RAB18: variants seen among roughly 807,000 people sequenced by gnomAD.
RAB18 encodes the protein ras-related protein Rab-18.
RAB18 carries 10 observed loss-of-function variants against 28.5 expected under a neutral mutation model. That is an observed-to-expected ratio of 0.35 (90% confidence interval 0.22 to 0.60). The LOEUF (loss-of-function observed/expected upper bound fraction) is 0.60, where lower values mean the gene tolerates loss of function less well. Ranked by LOEUF, RAB18 falls within the 20% of genes least tolerant of loss-of-function variation. The pLI, the probability that RAB18 is intolerant of heterozygous loss-of-function variation, is 0.78. For missense variants in RAB18, 188 were observed against 244.2 expected (o/e 0.77, Z 1.53); for synonymous variants, 93 against 86.9 (o/e 1.07, Z -0.39).
At chr10:27,528,303 TTTTTTAAA>T (rs1834720029) in intron 3 of RAB18, 1 of 496,946 alleles carries the variant, frequency 2.0e-6, no homozygotes, top group Non-Finnish European at 4.0e-6. Context: ...CCTATAAACA[TTTTTTAAA>T]GAAGAGAGGT....
At chr10:27,504,978 G>T (rs779283911) in intron 1 of RAB18, 1 of 533,230 alleles carries the variant, frequency 1.9e-6, no homozygotes, top group Non-Finnish European at 3.8e-6. Flanking sequence ...TTTTTTATTA[G>T]TCGGCTGTGA....
intron 3 of RAB18, chr10:27,527,185 G>A: frequency 2.3e-6 from 1 of 437,150 alleles, no homozygotes. Context: ...ATGTTTCTTT[G>A]AAGTTTTAAA....
At chr10:27,536,190 G>A (rs987845583) in intron 6 of RAB18, among the ~76,000 whole-genome samples, 1 of 152,160 alleles carries the variant, frequency 6.6e-6, no homozygotes, top group Non-Finnish European at 1.5e-5. Flanking sequence ...ATAAGAGCAG[G>A]TTTAGGGTAG....
chr10:27,537,953 C>T lies in RAB18; in HGVS notation c.523C>T (p.Leu175=), dbSNP rs1434334124. 2.5e-6 allele frequency: 4 copies of T among 1,613,976 alleles called. No homozygotes were observed. The highest frequency in any genetic ancestry group is 1.3e-5 in the African/African-American group (1 of 74,924). ...TGAAAAGATCATTCAGACCCCTGGA[C>T]TGTGGGAAAGTGAGAACCAGAATAA... ...LVEKIIQTPG[L]WESENQNKGV... is the part of the protein sequence containing the mutation. The change falls in exon 7 of 7, where the codon CTG becomes TTG. Residue 175 remains leucine (L), a synonymous_variant. Coordinates refer to ENST00000356940, the MANE Select transcript of RAB18 (RefSeq NM_021252.5).
chr10:27,505,894 T>G (rs889921272), intron 1 of RAB18, among the ~76,000 whole-genome samples: 2 of 152,122 alleles, frequency 1.3e-5, no homozygotes, highest in African/African-American at 4.8e-5. Context: ...ATGTCCTCTG[T>G]GTCTACTGGA....
At chr10:27,517,577 C>A (rs7901033) in intron 2 of RAB18, among the ~76,000 whole-genome samples, 75,066 of 151,948 alleles carry the variant, frequency 0.49, 18,631 homozygotes, top group South Asian at 0.52. Flanking sequence ...AGTAAATCCT[C>A]AATTGAAAAG....
chr10:27,529,814 G>A (rs1043664753), intron 3 of RAB18, among the ~76,000 whole-genome samples: 1 of 151,998 alleles, frequency 6.6e-6, no homozygotes, highest in South Asian at 2.1e-4. Flanking sequence ...ATCCTGATGC[G>A]ATGCTATTGC....
Position 27,524,896 on chromosome 10 carries a change from G to A in RAB18, c.125-1932G>A, listed in dbSNP as rs936497520. Among the ~76,000 whole-genome samples, 32 of 152,218 alleles carry A rather than the reference G, an allele frequency of 2.1e-4. 1 individual carries two copies. Among genetic ancestry groups the A allele is most frequent in the Admixed American group, 2.0e-3 (30 of 15,284 alleles). Reference sequence around the variant, plus strand: ...GGGAAGATGACTGGGGACTTTAGGGGTCTGGATTTAGATTAGGTGCCCCTT... The same window carrying A: ...GGGAAGATGACTGGGGACTTTAGGGATCTGGATTTAGATTAGGTGCCCCTT... On this transcript the variant is annotated intron_variant, in intron 2 of 6. Transcript: ENST00000356940.
At chr10:27,513,709 A>T (rs1005714842) in intron 2 of RAB18, among the ~76,000 whole-genome samples, 1 of 152,192 alleles carries the variant, frequency 6.6e-6, no homozygotes, top group African/African-American at 2.4e-5. Flanking sequence ...GGCTGGCTGC[A>T]TGTGGGAAGA....
At chr10:27,512,064 ACAGCCATGTAC>A (rs1834335673) in intron 2 of RAB18, among the ~76,000 whole-genome samples, 1 of 151,730 alleles carries the variant, frequency 6.6e-6, no homozygotes, top group African/African-American at 2.4e-5. Context: ...AGCTGGAACT[ACAGCCATGTAC>A]CACCATGCCC....
In RAB18 at chr10:27,532,933, TG is replaced by T. The variant is rs1834817547; in HGVS notation, c.259+355del. ...TAGTTTATAAAGGACGAAAAGTATT[TG>T]TTGATTAGTAGAATCTGCTTTATTA... On this transcript the variant is annotated intron_variant, in intron 4 of 6. Transcript: ENST00000356940. 2.0e-5 allele frequency among the ~76,000 whole-genome samples: 3 copies of T among 152,216 alleles called. No individual in the cohort carries two copies. In the South Asian group the frequency reaches 6.2e-4, roughly 32 times the overall value.
rs1267087421 is a variant in RAB18, at chr10:27,539,081, A to G, written c.*1030A>G. ...GTGAGGGAAAATACTGTCACAATGAAAATCTTGACAATTTACTTAACAAGT... is the reference window on the plus strand; with the variant it reads ...GTGAGGGAAAATACTGTCACAATGAGAATCTTGACAATTTACTTAACAAGT... On this transcript the variant is annotated 3_prime_UTR_variant, in exon 7 of 7. Coordinates refer to ENST00000356940, the MANE Select transcript of RAB18 (RefSeq NM_021252.5). 1.2e-5 allele frequency: 5 copies of G among 424,676 alleles called. No homozygotes were observed. Among genetic ancestry groups the G allele is most frequent in the African/African-American group, 6.1e-5 (3 of 48,794 alleles). 26.3% of individuals were successfully genotyped at this position (424,676 alleles called of 1,614,324 possible). A position where few individuals can be genotyped will look rare whatever the true frequency, so the allele number is the denominator to read the frequency against.
intron 1 of RAB18, chr10:27,505,025 T>G (rs1240086255): frequency 3.7e-6 from 2 of 533,426 alleles, no homozygotes; most frequent in East Asian, 5.4e-5. Flanking sequence ...AAATTTCGCT[T>G]TAGTGTAAGG....
chr10:27,504,528 C>G (rs1837753852), intron 1 of RAB18, 91 bp downstream of exon 1: 2 of 1,425,028 alleles, frequency 1.4e-6, no homozygotes, highest in African/African-American at 1.4e-5. Flanking sequence ...GAACTGTAAA[C>G]TGCAGCGGCG....
intron 2 of RAB18, among the ~76,000 whole-genome samples, chr10:27,516,515 A>G (rs1019154912): frequency 6.6e-6 from 1 of 151,290 alleles, no homozygotes; most frequent in Non-Finnish European, 1.5e-5. Flanking sequence ...CCAAGATCGC[A>G]CCACTGCACT....
intron 1 of RAB18, among the ~76,000 whole-genome samples, chr10:27,507,688 A>G (rs564397550): frequency 6.6e-6 from 1 of 152,034 alleles, no homozygotes; most frequent in South Asian, 2.1e-4. Flanking sequence ...TCTGCATGGG[A>G]AACATTTTGC....
intron 2 of RAB18, among the ~76,000 whole-genome samples, chr10:27,514,424 A>G (rs1834390168): frequency 6.6e-6 from 1 of 152,224 alleles, no homozygotes; most frequent in South Asian, 2.1e-4. Context: ...ATGCAAGGTA[A>G]GCTGATTGAG....
chr10:27,508,037 G>A (rs10829266), intron 1 of RAB18, among the ~76,000 whole-genome samples: 56,324 of 138,216 alleles, frequency 0.41, 10,871 homozygotes, highest in Non-Finnish European at 0.47. Context: ...AAAAAAAAAA[G>A]TGTGCTTCTT....
At chr10:27,513,735 G>A (rs1371760116) in intron 2 of RAB18, among the ~76,000 whole-genome samples, 2 of 152,180 alleles carry the variant, frequency 1.3e-5, no homozygotes, top group Non-Finnish European at 2.9e-5. Flanking sequence ...GTAGGATGCC[G>A]TGGCTGTGGA....
Sources: allele counts gnomAD v4.1 joint callset (sites outside exome capture counted in the v4.1 genomes callset), GRCh38; gene constraint gnomAD v4.1.1; transcripts MANE v1.5; gene names NCBI Gene and HGNC (gene_info 2026-07-23, HGNC 2026-07-21).